SSBP2: variants seen among roughly 807,000 people sequenced by gnomAD.
The protein encoded by SSBP2 is single stranded DNA binding protein 2, also known as single-stranded DNA-binding protein 2.
Under a neutral mutation model 61.8 loss-of-function variants are expected in SSBP2, and 17 were observed. The observed-to-expected ratio is 0.28, with a 90% CI of 0.19 to 0.41. SSBP2 has a LOEUF of 0.41. Ranked by LOEUF, SSBP2 falls within the 10% of genes least tolerant of loss-of-function variation. The pLI, the probability that SSBP2 is intolerant of heterozygous loss-of-function variation, is 1.00. For synonymous variants in SSBP2, 139 were observed against 141.3 expected (o/e 0.98, Z 0.12); for missense variants, 310 against 458.7 (o/e 0.68, Z 2.96).
intron 4 of SSBP2, among the ~76,000 whole-genome samples, chr5:81,597,531 T>C (rs901017617): frequency 2.0e-5 from 3 of 152,114 alleles, no homozygotes; most frequent in African/African-American, 7.2e-5. Flanking sequence ...GGATTATAAA[T>C]CATGCTGCTA....
chr5:81,747,957 T>A (rs1004516013), intron 1 of SSBP2, among the ~76,000 whole-genome samples: 3 of 152,198 alleles, frequency 2.0e-5, no homozygotes, highest in African/African-American at 7.2e-5. Flanking sequence ...TTTCTTAAAA[T>A]GACAGAGTAA....
chr5:81,622,491 G>T, intron 3 of SSBP2, among the ~76,000 whole-genome samples: 1 of 152,176 alleles, frequency 6.6e-6, no homozygotes, highest in Non-Finnish European at 1.5e-5. Flanking sequence ...GACAGCCCTT[G>T]AGCAAGTTGC....
chr5:81,629,744 T>C (rs960907462), intron 3 of SSBP2, among the ~76,000 whole-genome samples: 1 of 152,202 alleles, frequency 6.6e-6, no homozygotes, highest in Non-Finnish European at 1.5e-5. Context: ...ATATTTAAGA[T>C]GTACAATGTG....
At position 81,578,086 on chromosome 5, in the gene SSBP2, A is replaced by G. The variant is rs186570986; in HGVS notation, c.282+37387T>C. Among the ~76,000 whole-genome samples the G allele has an allele frequency of 2.6e-3, 397 of 152,208 alleles. 2 individuals carry two copies. The highest frequency in any genetic ancestry group is 8.5e-3 in the African/African-American group (353 of 41,570). ...TCAGCTGGGATTTAAACCGAGGTAG[A>G]TAGAGCAAAAGCACACTCACAAACT... is the stretch of plus-strand genomic sequence containing the variant. On this transcript the variant is annotated intron_variant, in intron 4 of 16. Transcript: ENST00000320672.
At chr5:81,751,262 A>G (rs1757751822), upstream of SSBP2, 7 of 580,038 alleles carry the variant, frequency 1.2e-5, no homozygotes, top group Admixed American at 3.0e-5. Flanking sequence ...CCTCAGCGGC[A>G]GTCTCCTCCC....
At chr5:81,736,982 C>T (rs1354924060) in intron 1 of SSBP2, among the ~76,000 whole-genome samples, 1 of 152,086 alleles carries the variant, frequency 6.6e-6, no homozygotes, top group East Asian at 1.9e-4. Flanking sequence ...CCCTTTAATT[C>T]TAATCTCCTA....
intron 1 of SSBP2, among the ~76,000 whole-genome samples, chr5:81,673,688 C>T (rs34870295): frequency 0.21 from 32,484 of 152,030 alleles, 4,005 homozygotes; most frequent in Non-Finnish European, 0.29. Context: ...TGATGCATAG[C>T]CTGCAAAAAG....
chr5:81,489,552 T>C (rs1046772957), intron 5 of SSBP2, among the ~76,000 whole-genome samples: 95 of 152,258 alleles, frequency 6.2e-4, no homozygotes, highest in African/African-American at 2.3e-3. Context: ...AAAGTAACTA[T>C]AGCAAAATCT....
chr5:81,415,061 T>C lies in SSBP2; in HGVS notation c.*5443A>G, dbSNP rs983742794. Reference sequence around the variant, plus strand: ...ACAGACCCAGGGAGACCTTTACACATGCTTAAGATTGGGTACCATTGCTTT... The same window carrying C: ...ACAGACCCAGGGAGACCTTTACACACGCTTAAGATTGGGTACCATTGCTTT... On this transcript the variant is annotated 3_prime_UTR_variant, in exon 17 of 17. Transcript: ENST00000320672. 7 of 152,194 alleles carry C rather than the reference T, an allele frequency of 4.6e-5. No homozygotes were observed. Among genetic ancestry groups the C allele is most frequent in the African/African-American group, 1.7e-4 (7 of 41,462 alleles). The allele number at this position is 152,194 out of a possible 1,614,324, so 9.4% of individuals were successfully genotyped here.
chr5:81,749,211 C>A (rs1162210173), intron 1 of SSBP2, among the ~76,000 whole-genome samples: 1 of 152,152 alleles, frequency 6.6e-6, no homozygotes, highest in East Asian at 1.9e-4. Flanking sequence ...GGCTATAACG[C>A]TATGTCTTTT....
Position 81,413,253 on chromosome 5 carries a change from A to G in SSBP2, c.*7251T>C, listed in dbSNP as rs1360889744. 3 of 152,366 alleles carry G rather than the reference A, an allele frequency of 2.0e-5. No homozygotes were observed. The highest frequency in any genetic ancestry group is 4.4e-5 in the Non-Finnish European group (3 of 68,026). The allele number at this position is 152,366 out of a possible 1,614,324, so 9.4% of individuals were successfully genotyped here. The stretch of plus-strand genomic sequence containing the variant: ...TACTTGTACAAAAACACTAAATTAT[A>G]AATCCATTTGAGAATAAATGCAGTA... On this transcript the variant is annotated 3_prime_UTR_variant, in exon 17 of 17. Coordinates refer to ENST00000320672, the MANE Select transcript of SSBP2 (RefSeq NM_012446.5).
At chr5:81,731,828 T>A (rs1756287165) in intron 1 of SSBP2, among the ~76,000 whole-genome samples, 1 of 150,784 alleles carries the variant, frequency 6.6e-6, no homozygotes, top group Admixed American at 6.6e-5. Context: ...ATTGTTATAA[T>A]AAATTATATT....
At chr5:81,520,125 C>T (rs766515083) in intron 4 of SSBP2, among the ~76,000 whole-genome samples, 10 of 151,910 alleles carry the variant, frequency 6.6e-5, no homozygotes, top group Non-Finnish European at 1.3e-4. Flanking sequence ...GCTGGGACTA[C>T]AGGCACTTGC....
intron 4 of SSBP2, among the ~76,000 whole-genome samples, chr5:81,526,467 T>C (rs1769947448): frequency 2.0e-5 from 3 of 151,990 alleles, no homozygotes; most frequent in South Asian, 2.1e-4. Flanking sequence ...AGTTTATTTT[T>C]TGGAAGCAGA....
chr5:81,721,678 T>C (rs1302914947), intron 1 of SSBP2, among the ~76,000 whole-genome samples: 1 of 152,124 alleles, frequency 6.6e-6, no homozygotes, highest in East Asian at 1.9e-4. Flanking sequence ...AACCTTACTA[T>C]CCTGTAGCAA....
At chr5:81,675,285 C>G (rs1018393926) in intron 1 of SSBP2, among the ~76,000 whole-genome samples, 1 of 152,114 alleles carries the variant, frequency 6.6e-6, no homozygotes, top group African/African-American at 2.4e-5. Context: ...TAATAGTCCC[C>G]CATCATCTCC....
rs998342039 is a variant in SSBP2, at chr5:81,412,941, A to G, written c.*7563T>C. ...TATATGCATTGTAGCCTCTTCTTCC[A>G]TGCATATAGATCCTTTGATATTAGA... On this transcript the variant is annotated 3_prime_UTR_variant, in exon 17 of 17. Transcript: ENST00000320672. The G allele has an allele frequency of 6.6e-6, 1 of 152,140 alleles. No individual in the cohort carries two copies. The highest frequency in any genetic ancestry group is 1.5e-5 in the Non-Finnish European group (1 of 68,030). The allele number at this position is 152,140 out of a possible 1,614,324, so 9.4% of individuals were successfully genotyped here.
chr5:81,594,193 T>C (rs1202006197), intron 4 of SSBP2, among the ~76,000 whole-genome samples: 2 of 152,188 alleles, frequency 1.3e-5, no homozygotes. Context: ...GTTGCAATCC[T>C]AGTTTCTGAT....
Position 81,510,747 on chromosome 5 carries a change from C to T in SSBP2, c.372+2881G>A, listed in dbSNP as rs558310416. Among the ~76,000 whole-genome samples the T allele has an allele frequency of 2.7e-5, 4 of 150,408 alleles. No individual in the cohort carries two copies. The South Asian group carries it at 6.3e-4, about 24-fold the overall frequency. On this transcript the variant is annotated intron_variant, in intron 5 of 16. Transcript: ENST00000320672. ...CTGCACTCAGCCTGGGCAACAACAGCGAAACTCCATCTCAAAAAAAAAAAA... is the reference window on the plus strand; with the variant it reads ...CTGCACTCAGCCTGGGCAACAACAGTGAAACTCCATCTCAAAAAAAAAAAA...
Sources: allele counts gnomAD v4.1 joint callset (sites outside exome capture counted in the v4.1 genomes callset), GRCh38; gene constraint gnomAD v4.1.1; transcripts MANE v1.5; gene names NCBI Gene and HGNC (gene_info 2026-07-23, HGNC 2026-07-21).